Variants in RAPGEF6 observed in about 807,000 individuals in gnomAD.
RAPGEF6 encodes the protein Rap guanine nucleotide exchange factor 6, also known as PDZ domain containing guanine nucleotide exchange factor (GEF) 2.
A neutral mutation model predicts 171.4 loss-of-function variants in RAPGEF6; 56 were observed. The observed-to-expected ratio is 0.33, with a 90% confidence interval of 0.26 to 0.41. The LOEUF is 0.41. Among genes scored for constraint, RAPGEF6 ranks in the 10% least tolerant of loss-of-function variants. The pLI is 1.00. For synonymous variants in RAPGEF6, 692 were observed against 650.1 expected (o/e 1.06, Z -0.98); for missense variants, 1,674 against 1,921.4 (o/e 0.87, Z 2.41).
chr5:131,597,856 C>T (rs1005557083), intron 3 of RAPGEF6, among the ~76,000 whole-genome samples: 4 of 152,002 alleles, frequency 2.6e-5, no homozygotes, highest in Non-Finnish European at 5.9e-5. Context: ...AGAAGAGAGG[C>T]TTTTGAATGT....
chr5:131,438,191 T>C (rs530129533), intron 24 of RAPGEF6, among the ~76,000 whole-genome samples: 2 of 152,308 alleles, frequency 1.3e-5, no homozygotes, highest in African/African-American at 2.4e-5. Context: ...GGTTTCACCA[T>C]CTTGGCCAGG....
intron 2 of RAPGEF6, among the ~76,000 whole-genome samples, chr5:131,604,222 A>G (rs755142535): frequency 6.6e-6 from 1 of 152,142 alleles, no homozygotes; most frequent in Non-Finnish European, 1.5e-5. Flanking sequence ...CAAAAAGATA[A>G]CAGGAGTTTT....
chr5:131,479,163 A>T (rs2149855860), intron 16 of RAPGEF6, among the ~76,000 whole-genome samples: 1 of 152,248 alleles, frequency 6.6e-6, no homozygotes, highest in Admixed American at 6.5e-5. Flanking sequence ...CAAAGGAAAA[A>T]TGATTAAAAA....
At chr5:131,605,937 G>T (rs1256794437) in intron 1 of RAPGEF6, among the ~76,000 whole-genome samples, 1 of 147,556 alleles carries the variant, frequency 6.8e-6, no homozygotes, top group Non-Finnish European at 1.5e-5. Context: ...GGCTAAGGCA[G>T]GAGAATGGCG....
At position 131,521,439 on chromosome 5, in the gene RAPGEF6, C is replaced by T. The variant is rs770544539; in HGVS notation, c.578G>A (p.Cys193Tyr). Residue 193 changes from cysteine to tyrosine, a missense_variant, in exon 7 of 28, where the codon TGT becomes TAT. By Grantham distance (194) the Cys-to-Tyr change is radical. Around this residue, in one of 3 missense-constraint regions of RAPGEF6, gnomAD observed 1,116 missense variants for 1,321.5 expected, o/e 0.84. Transcript: ENST00000509018. ...GCTTCCAGAGTCACTGGCAATGCTA[C>T]AACCAGACTGACTAGAAGACACATG... is the stretch of plus-strand genomic sequence containing the variant. The part of the protein sequence containing the change: ...VTHVSSSQSG[C>Y]SIASDSGSSS... 6 of 1,612,446 alleles carry T rather than the reference C, an allele frequency of 3.7e-6. No individual in the cohort carries two copies. The highest frequency in any genetic ancestry group is 5.1e-6 in the Non-Finnish European group (6 of 1,179,034).
chr5:131,490,560 C>A (rs1187583543), intron 14 of RAPGEF6, among the ~76,000 whole-genome samples: 1 of 151,894 alleles, frequency 6.6e-6, no homozygotes, highest in Non-Finnish European at 1.5e-5. Flanking sequence ...GAAGATAACC[C>A]AAAGGTACCT....
intron 5 of RAPGEF6, among the ~76,000 whole-genome samples, chr5:131,557,527 T>C (rs909936970): frequency 6.6e-6 from 1 of 152,202 alleles, no homozygotes. Flanking sequence ...CACAGTTTTA[T>C]ATTTTTTTCC....
chr5:131,597,382 T>C (rs1344916915), intron 3 of RAPGEF6, among the ~76,000 whole-genome samples: 4 of 151,108 alleles, frequency 2.6e-5, no homozygotes, highest in African/African-American at 4.9e-5. Context: ...CCAAAGGAAA[T>C]GAAATCAGTA....
At position 131,430,966 on chromosome 5, in the gene RAPGEF6, C is replaced by T; in HGVS notation, c.4358G>A (p.Arg1453Lys). 1 of 1,614,194 alleles carries T rather than the reference C, an allele frequency of 6.2e-7. No individual in the cohort carries two copies. Among genetic ancestry groups the T allele is most frequent in the Non-Finnish European group, 8.5e-7 (1 of 1,180,030 alleles). The change falls in exon 26 of 28, where the codon AGA becomes AAA. Residue 1453 changes from arginine (R) to lysine (K), a missense_variant. Arg to Lys is a conservative substitution (Grantham distance 26). Coordinates refer to ENST00000509018, the MANE Select transcript of RAPGEF6 (RefSeq NM_016340.6). ...YEPNYGTVKQ[R>K]VLESTPAESS... Reference sequence around the variant, plus strand: ...CTCAGCTGGGGTGCTCTCCAATACTCTCTGTTTAACTGTCCCATAGTTTGG... The same window carrying T: ...CTCAGCTGGGGTGCTCTCCAATACTTTCTGTTTAACTGTCCCATAGTTTGG...
intron 6 of RAPGEF6, among the ~76,000 whole-genome samples, chr5:131,525,516 A>G (rs1197946940): frequency 6.6e-6 from 1 of 152,220 alleles, no homozygotes; most frequent in African/African-American, 2.4e-5. Flanking sequence ...AGTCATGCTT[A>G]GAGGCCATTT....
intron 7 of RAPGEF6, among the ~76,000 whole-genome samples, chr5:131,514,877 T>G (rs1757975175): frequency 6.6e-6 from 1 of 152,180 alleles, no homozygotes; most frequent in Admixed American, 6.5e-5. Flanking sequence ...ACCTGGGACA[T>G]ATCAGACCCT....
In RAPGEF6 at chr5:131,494,092, A is replaced by T. The variant is rs1756469990; in HGVS notation, c.1528-1307T>A. 2.0e-5 allele frequency among the ~76,000 whole-genome samples: 3 copies of T among 152,348 alleles called. No individual in the cohort carries two copies. In the South Asian group the frequency reaches 6.2e-4, roughly 32 times the overall value. ...TTGCTATGTCACAGGTTTTGTGTAC[A>T]GACTGTTATGCCTCTCAGCTCATTA... is the stretch of plus-strand genomic sequence containing the variant. On this transcript the variant is annotated intron_variant, in intron 13 of 27. Coordinates refer to ENST00000509018, the MANE Select transcript of RAPGEF6 (RefSeq NM_016340.6).
At chr5:131,603,820 C>T (rs1174707805) in intron 2 of RAPGEF6, among the ~76,000 whole-genome samples, 2 of 151,732 alleles carry the variant, frequency 1.3e-5, no homozygotes, top group African/African-American at 4.8e-5. Context: ...TTATGTTATA[C>T]AGAAAATATA....
At chr5:131,586,413 G>A (rs536422678) in intron 4 of RAPGEF6, among the ~76,000 whole-genome samples, 1 of 152,318 alleles carries the variant, frequency 6.6e-6, no homozygotes, top group East Asian at 1.9e-4. Flanking sequence ...AGCACTTTGG[G>A]AAGCCAAGGC....
intron 7 of RAPGEF6, among the ~76,000 whole-genome samples, chr5:131,520,838 C>G (rs1167789703): frequency 6.6e-6 from 1 of 152,072 alleles, no homozygotes; most frequent in Admixed American, 6.5e-5. Flanking sequence ...ATGGGTCTTC[C>G]TAGAACCTTC....
At chr5:131,615,728 C>T (rs750475896) in intron 1 of RAPGEF6, among the ~76,000 whole-genome samples, 1 of 152,024 alleles carries the variant, frequency 6.6e-6, no homozygotes, top group African/African-American at 2.4e-5. Context: ...GGCAAAACCC[C>T]GTCTCTACTA....
At chr5:131,470,199 C>T (rs1303292125) in intron 17 of RAPGEF6, among the ~76,000 whole-genome samples, 4 of 152,108 alleles carry the variant, frequency 2.6e-5, no homozygotes, top group African/African-American at 9.7e-5. Flanking sequence ...TATGTGTTCA[C>T]ATTACTGGTA....
At chr5:131,549,838 ATTAG>A (rs1760801820) in intron 5 of RAPGEF6, among the ~76,000 whole-genome samples, 1 of 152,080 alleles carries the variant, frequency 6.6e-6, no homozygotes, top group South Asian at 2.1e-4. Context: ...CCTAGTGCCT[ATTAG>A]TTAATTTTCC....
At chr5:131,560,163 T>C (rs961906551) in intron 5 of RAPGEF6, among the ~76,000 whole-genome samples, 3 of 152,234 alleles carry the variant, frequency 2.0e-5, no homozygotes, top group Non-Finnish European at 4.4e-5. Flanking sequence ...ATGTGACTTT[T>C]TATTTTATAT....
Sources: allele counts gnomAD v4.1 joint callset (sites outside exome capture counted in the v4.1 genomes callset), GRCh38; gene constraint gnomAD v4.1.1; regional missense constraint gnomAD v4.1.1; transcripts MANE v1.5; gene names NCBI Gene and HGNC (gene_info 2026-07-23, HGNC 2026-07-21).